The following ZNF334 variants were observed in gnomAD, a reference collection of about 807,000 sequenced individuals.
ZNF334 encodes zinc finger protein 334.
Under a neutral mutation model 12.4 loss-of-function variants are expected in ZNF334, and 14 were observed. That is an observed-to-expected ratio of 1.13 (90% CI 0.74 to 1.76). ZNF334 has a LOEUF of 1.76. Among genes scored for constraint, ZNF334 ranks in the 40% most tolerant of loss-of-function variants. The pLI is 0.00. For synonymous variants in ZNF334, 273 were observed against 269.6 expected (o/e 1.01, Z -0.12); for missense variants, 797 against 804.5 (o/e 0.99, Z 0.11).
chr20:46,493,674 C>A, the ZNF334 span, among the ~76,000 whole-genome samples: 73 of 152,300 alleles, frequency 4.8e-4, no homozygotes, highest in Non-Finnish European at 9.7e-4. Context: ...TGAAGAGACT[C>A]TTTACAAAAG....
chr20:46,476,300 G>C, the ZNF334 span: 1 of 152,228 alleles, frequency 6.6e-6, no homozygotes, highest in Non-Finnish European at 1.5e-5. Flanking sequence ...GGTAACACCA[G>C]AGATCCTGGA....
Position 46,502,013 on chromosome 20 carries a change from T to C in ZNF334, c.1326A>G (p.Leu442=), listed in dbSNP as rs1259831367. The change falls in exon 5 of 5, where the codon TTA becomes TTG. Residue 442 remains leucine, a synonymous_variant. Coordinates refer to ENST00000692313, the MANE Select transcript of ZNF334 (RefSeq NM_001353824.2). ...GTGCAATGAGGGCTGATTTCGTACA[T>C]AAAAATTTTCCACATTGACTGCATT... ...PYECSQCGKF[L]CTKSALIAHQ... 1 of 1,614,082 alleles carries C rather than the reference T, an allele frequency of 6.2e-7. No individual in the cohort carries two copies. Among genetic ancestry groups the C allele is most frequent in the South Asian group, 1.1e-5 (1 of 91,082 alleles).
Position 46,502,971 on chromosome 20 carries a change from C to G in ZNF334, c.368G>C (p.Gly123Ala). 1 of 1,614,002 alleles carries G rather than the reference C, an allele frequency of 6.2e-7. No individual in the cohort carries two copies. Among genetic ancestry groups the G allele is most frequent in the South Asian group, 1.1e-5 (1 of 91,060 alleles). ...ENVFGKTLNL[G>A]MNSVPSRKMP... ...TTTTCTTGAGGGAACACTATTCATGCCCAGATTAAGTGTTTTCCCAAATAC... is the reference window on the plus strand; with the variant it reads ...TTTTCTTGAGGGAACACTATTCATGGCCAGATTAAGTGTTTTCCCAAATAC... Residue 123 changes from glycine (G) to alanine (A), a missense_variant, in exon 5 of 5, where the codon GGC (glycine) becomes GCC (alanine). Transcript: ENST00000692313.
At chr20:46,474,178 G>C in the ZNF334 span, among the ~76,000 whole-genome samples, 2 of 152,102 alleles carry the variant, frequency 1.3e-5, no homozygotes, top group African/African-American at 2.4e-5. Flanking sequence ...TTCGAGACCA[G>C]CCTGGCTGAC....
the ZNF334 span, chr20:46,481,090 T>A: frequency 1.3e-5 from 2 of 152,244 alleles, no homozygotes; most frequent in Non-Finnish European, 1.5e-5. Context: ...AAGGTGTGGC[T>A]TCTCAGGAGT....
chr20:46,467,825 G>A, the ZNF334 span, among the ~76,000 whole-genome samples: 3 of 152,276 alleles, frequency 2.0e-5, no homozygotes, highest in Non-Finnish European at 2.9e-5. Flanking sequence ...AAATGTTAGC[G>A]ATCCACGTTA....
intron 2 of ZNF334, among the ~76,000 whole-genome samples, chr20:46,509,363 T>C (rs1323911628): frequency 1.3e-5 from 2 of 151,504 alleles, no homozygotes; most frequent in East Asian, 1.9e-4. Context: ...CAAGCCGGGG[T>C]AGTGAGGGTG....
At position 46,501,281 on chromosome 20, in the gene ZNF334, T is replaced by C. The variant is rs1489885809; in HGVS notation, c.*15A>G. ...TGATTTGTTGCTTTGTTGGAATTTA[T>C]TACTTTGTTGGAACTTATTCCTTGT... is the stretch of plus-strand genomic sequence containing the variant. On this transcript the variant is annotated 3_prime_UTR_variant, in exon 5 of 5. Transcript: ENST00000692313. 17 of 1,597,874 alleles carry C rather than the reference T, an allele frequency of 1.1e-5. No individual in the cohort carries two copies. The highest frequency in any genetic ancestry group is 2.7e-5 in the African/African-American group (2 of 74,128).
chr20:46,497,228 C>T (rs1976712681), downstream of ZNF334, among the ~76,000 whole-genome samples: 1 of 152,180 alleles, frequency 6.6e-6, no homozygotes, highest in African/African-American at 2.4e-5. Flanking sequence ...CTGCCCCAAG[C>T]ATGAGGAGTG....
chr20:46,508,144 G>A (rs138658677), intron 2 of ZNF334, among the ~76,000 whole-genome samples: 9 of 152,252 alleles, frequency 5.9e-5, no homozygotes, highest in South Asian at 2.1e-4. Flanking sequence ...CGATTCTCCC[G>A]GTGACTCAGG....
At position 46,506,243 on chromosome 20, in the gene ZNF334, G is replaced by T. The variant is rs552366180; in HGVS notation, c.22-1503C>A. On this transcript the variant is annotated intron_variant, in intron 2 of 4. Coordinates refer to ENST00000692313, the MANE Select transcript of ZNF334 (RefSeq NM_001353824.2). Reference sequence around the variant, plus strand: ...ATTTGAAAGCATAAATAATGAGGAAGGTCTCCATGAACTGATATGAAGTGA... The same window carrying T: ...ATTTGAAAGCATAAATAATGAGGAATGTCTCCATGAACTGATATGAAGTGA... 8.6e-4 allele frequency: 404 copies of T among 468,894 alleles called. 9 individuals are homozygous for T. In the South Asian group the frequency reaches 0.015, roughly 17 times the overall value. 29.0% of individuals were successfully genotyped at this position (468,894 alleles called of 1,614,324 possible). A position where few individuals can be genotyped will look rare whatever the true frequency, so the allele number is the denominator to read the frequency against.
At chr20:46,466,753 G>A in the ZNF334 span, among the ~76,000 whole-genome samples, 1 of 151,970 alleles carries the variant, frequency 6.6e-6, no homozygotes, top group African/African-American at 2.4e-5. Flanking sequence ...CAAAGTGCTG[G>A]GATTACAGGC....
intron 2 of ZNF334, among the ~76,000 whole-genome samples, chr20:46,511,708 TG>T (rs551335562): frequency 6.6e-6 from 1 of 152,222 alleles, no homozygotes; most frequent in Non-Finnish European, 1.5e-5. Flanking sequence ...ATTGGTTCCC[TG>T]TAATTACTGT....
chr20:46,495,804 T>C (rs1478367603), downstream of ZNF334, among the ~76,000 whole-genome samples: 2 of 152,148 alleles, frequency 1.3e-5, no homozygotes, highest in African/African-American at 4.8e-5. Context: ...TCTCCCGACC[T>C]TCATAAGTCT....
At chr20:46,463,246 C>T in the ZNF334 span, among the ~76,000 whole-genome samples, 356 of 152,266 alleles carry the variant, frequency 2.3e-3, 1 homozygote, top group African/African-American at 8.2e-3. Flanking sequence ...CAGAGTGAGA[C>T]TCCATCTAAA....
At chr20:46,487,995 AG>A in the ZNF334 span, among the ~76,000 whole-genome samples, 1 of 152,164 alleles carries the variant, frequency 6.6e-6, no homozygotes, top group Non-Finnish European at 1.5e-5. Flanking sequence ...GCTGGCATCT[AG>A]GGTGTAACAG....
chr20:46,462,532 C>G, the ZNF334 span, among the ~76,000 whole-genome samples: 3 of 152,150 alleles, frequency 2.0e-5, no homozygotes. Flanking sequence ...AACAAAACAC[C>G]TCGAATGGTG....
chr20:46,491,355 T>C, the ZNF334 span: 27 of 152,784 alleles, frequency 1.8e-4, no homozygotes, highest in East Asian at 4.8e-3. Flanking sequence ...TTTCACCGTT[T>C]CTCAGAAAAA....
Position 46,501,989 on chromosome 20 carries a change from T to A in ZNF334, c.1350A>T (p.Ala450=). 6.2e-7 allele frequency: 1 copy of A among 1,614,074 alleles called. No homozygotes were observed. Among genetic ancestry groups the A allele is most frequent in the Non-Finnish European group, 8.5e-7 (1 of 1,180,036 alleles). Reference sequence around the variant, plus strand: ...TCTTTCCTCTATGAGTTATCTGATGTGCAATGAGGGCTGATTTCGTACATA... The same window carrying A: ...TCTTTCCTCTATGAGTTATCTGATGAGCAATGAGGGCTGATTTCGTACATA... The part of the protein sequence containing the change: ...KFLCTKSALI[A]HQITHRGKKS... Residue 450 remains alanine, a synonymous_variant, in exon 5 of 5, where the codon GCA becomes GCT. Transcript: ENST00000692313.
Sources: gnomAD v4.1 joint callset for allele counts (sites outside exome capture counted in the v4.1 genomes callset) on GRCh38, gnomAD v4.1.1 for gene constraint, MANE v1.5 for transcripts, NCBI Gene and HGNC (gene_info 2026-07-23, HGNC 2026-07-21) for gene names.